Variants in HS3ST2 observed in about 807,000 individuals in gnomAD.
The protein encoded by HS3ST2 is heparan sulfate glucosamine 3-O-sulfotransferase 2.
In HS3ST2, 17 loss-of-function variants were observed where a neutral mutation model predicts 26.3. The ratio of observed to expected loss-of-function variants is 0.65; its 90% CI spans 0.44 to 0.97. HS3ST2 has a LOEUF of 0.97. Among genes scored for constraint, HS3ST2 ranks in the 50% least tolerant of loss-of-function variants. HS3ST2 has a pLI of 0.00. For missense variants in HS3ST2, 402 were observed against 501.2 expected (o/e 0.80, Z 1.89); for synonymous variants, 237 against 219.2 (o/e 1.08, Z -0.72).
intron 1 of HS3ST2, among the ~76,000 whole-genome samples, chr16:22,848,367 C>T (rs904832587): frequency 6.6e-6 from 1 of 152,168 alleles, no homozygotes. Flanking sequence ...TCAGAAAATG[C>T]TAGCTTCCTC....
At chr16:22,903,468 G>C (rs1364284502) in intron 1 of HS3ST2, among the ~76,000 whole-genome samples, 1 of 152,172 alleles carries the variant, frequency 6.6e-6, no homozygotes, top group Admixed American at 6.5e-5. Context: ...CAAGACTCAG[G>C]TCTTTTTGAT....
At chr16:22,841,991 T>C (rs1901364799) in intron 1 of HS3ST2, among the ~76,000 whole-genome samples, 2 of 151,830 alleles carry the variant, frequency 1.3e-5, no homozygotes, top group African/African-American at 2.4e-5. Context: ...CAATCTGTCT[T>C]TTTTTTTCTC....
intron 1 of HS3ST2, among the ~76,000 whole-genome samples, chr16:22,838,262 G>T (rs958625080): frequency 2.0e-5 from 3 of 152,112 alleles, no homozygotes; most frequent in Non-Finnish European, 4.4e-5. Context: ...AAAGGGGGCT[G>T]AGGATGTACA....
At chr16:22,905,866 G>A (rs561055479) in intron 1 of HS3ST2, among the ~76,000 whole-genome samples, 1 of 152,230 alleles carries the variant, frequency 6.6e-6, no homozygotes, top group East Asian at 1.9e-4. Context: ...AATCATGGGG[G>A]AGCTTGTTTA....
chr16:22,895,046 G>T (rs1213921087), intron 1 of HS3ST2, among the ~76,000 whole-genome samples: 3 of 149,930 alleles, frequency 2.0e-5, no homozygotes, highest in Non-Finnish European at 4.4e-5. Flanking sequence ...ACTATGAATT[G>T]GTCCCTTCTT....
intron 1 of HS3ST2, among the ~76,000 whole-genome samples, chr16:22,894,387 C>T (rs1370525223): frequency 6.6e-6 from 1 of 152,180 alleles, no homozygotes; most frequent in Non-Finnish European, 1.5e-5. Flanking sequence ...AGGGGGAAGG[C>T]TCTGTGGATG....
At chr16:22,835,902 G>C (rs982968858) in intron 1 of HS3ST2, among the ~76,000 whole-genome samples, 1 of 151,868 alleles carries the variant, frequency 6.6e-6, no homozygotes, top group Non-Finnish European at 1.5e-5. Context: ...AAAGTGAGTG[G>C]AATGTTAAAG....
intron 1 of HS3ST2, among the ~76,000 whole-genome samples, chr16:22,870,835 T>C (rs1426062181): frequency 6.6e-6 from 1 of 152,198 alleles, no homozygotes; most frequent in Non-Finnish European, 1.5e-5. Flanking sequence ...TCCCTTGCTT[T>C]ATTTTTGCTG....
At chr16:22,833,997 G>A (rs1901213502) in intron 1 of HS3ST2, among the ~76,000 whole-genome samples, 1 of 151,814 alleles carries the variant, frequency 6.6e-6, no homozygotes, top group South Asian at 2.1e-4. Context: ...TATAAAGGGA[G>A]GAATAGATAA....
chr16:22,827,882 G>T (rs1449233618), intron 1 of HS3ST2, among the ~76,000 whole-genome samples: 1 of 151,448 alleles, frequency 6.6e-6, no homozygotes, highest in African/African-American at 2.4e-5. Flanking sequence ...GCTAATTTTT[G>T]TATTTTTTTT....
intron 1 of HS3ST2, among the ~76,000 whole-genome samples, chr16:22,899,557 A>G (rs1902255916): frequency 6.6e-6 from 1 of 152,174 alleles, no homozygotes; most frequent in African/African-American, 2.4e-5. Flanking sequence ...TGTGTGCTAA[A>G]GGCCCCTGAA....
intron 1 of HS3ST2, among the ~76,000 whole-genome samples, chr16:22,895,070 C>CTTTTTTTTTTTT (rs55861016): frequency 1.5e-5 from 2 of 134,726 alleles, no homozygotes; most frequent in Non-Finnish European, 1.6e-5. Flanking sequence ...TTCTTTCTTT[C>CTTTTTTTTTTTT]TTTTTTTTTT....
chr16:22,872,164 G>T (rs565644330), intron 1 of HS3ST2, among the ~76,000 whole-genome samples: 5 of 152,330 alleles, frequency 3.3e-5, no homozygotes, highest in African/African-American at 9.6e-5. Context: ...CTTGTGATTT[G>T]TCAGCTGAGC....
chr16:22,820,873 G>A lies in HS3ST2; in HGVS notation c.485+5778G>A, dbSNP rs142475689. Among the ~76,000 whole-genome samples, 1,212 of 152,322 alleles carry A rather than the reference G, an allele frequency of 8.0e-3. 5 individuals are homozygous for A. Among genetic ancestry groups the A allele is most frequent in the Non-Finnish European group, 0.013 (863 of 68,030 alleles). ...ATACCACTGAAAGGTTCTAAGAAGCGTCTTTAACATCTCTGAAATTAGCAT... is the reference window on the plus strand; with the variant it reads ...ATACCACTGAAAGGTTCTAAGAAGCATCTTTAACATCTCTGAAATTAGCAT... On this transcript the variant is annotated intron_variant, in intron 1 of 1. Coordinates refer to ENST00000261374, the MANE Select transcript of HS3ST2 (RefSeq NM_006043.2).
At chr16:22,892,140 G>T (rs1177796228) in intron 1 of HS3ST2, among the ~76,000 whole-genome samples, 1 of 148,586 alleles carries the variant, frequency 6.7e-6, no homozygotes. Context: ...AATACAAAAA[G>T]TTAGCCGGGC....
At chr16:22,904,123 G>A (rs1274731405) in intron 1 of HS3ST2, among the ~76,000 whole-genome samples, 1 of 152,152 alleles carries the variant, frequency 6.6e-6, no homozygotes, top group Non-Finnish European at 1.5e-5. Context: ...ACTGGGTTCA[G>A]GGATAACCTT....
intron 1 of HS3ST2, among the ~76,000 whole-genome samples, chr16:22,901,863 A>G (rs1410988077): frequency 6.6e-6 from 1 of 152,120 alleles, no homozygotes. Context: ...AATAATATCA[A>G]TGGAGACTTT....
intron 1 of HS3ST2, among the ~76,000 whole-genome samples, chr16:22,910,452 T>C (rs972623441): frequency 3.3e-5 from 5 of 152,210 alleles, no homozygotes; most frequent in Non-Finnish European, 5.9e-5. Context: ...CTGATTACCA[T>C]ATATGCCACA....
At chr16:22,849,030 AC>A (rs1185810172) in intron 1 of HS3ST2, among the ~76,000 whole-genome samples, 3 of 152,194 alleles carry the variant, frequency 2.0e-5, no homozygotes, top group Non-Finnish European at 4.4e-5. Flanking sequence ...AAACTGACTC[AC>A]TGTGCTTTGG....
Sources: gnomAD v4.1 joint callset for allele counts (sites outside exome capture counted in the v4.1 genomes callset) on GRCh38, gnomAD v4.1.1 for gene constraint, MANE v1.5 for transcripts, NCBI Gene and HGNC (gene_info 2026-07-23, HGNC 2026-07-21) for gene names.